The following PSD3 variants were observed in gnomAD, a reference collection of about 807,000 sequenced individuals.
PSD3 encodes pleckstrin and Sec7 domain containing 3.
PSD3 carries 49 observed loss-of-function variants against 105.5 expected under a neutral mutation model. That is an observed-to-expected ratio of 0.46 (90% CI 0.37 to 0.59). PSD3 has a LOEUF of 0.59. Ranked by LOEUF, PSD3 falls within the 20% of genes least tolerant of loss-of-function variation. The probability of loss-of-function intolerance (pLI) is 0.00; values close to 1 mark genes in which losing one functional copy is unlikely to be tolerated. For synonymous variants in PSD3, 557 were observed against 457.8 expected (o/e 1.22, Z -2.77); for missense variants, 1,561 against 1,263.8 (o/e 1.24, Z -3.57).
intron 9 of PSD3, among the ~76,000 whole-genome samples, chr8:18,687,812 G>C (rs997574002): frequency 6.6e-6 from 1 of 152,084 alleles, no homozygotes; most frequent in Non-Finnish European, 1.5e-5. Flanking sequence ...CATCGCCCAG[G>C]CTGGAGTACA....
intron 11 of PSD3, among the ~76,000 whole-genome samples, chr8:18,609,475 ATAAG>A (rs1321838292): frequency 6.6e-6 from 1 of 152,256 alleles, no homozygotes; most frequent in Non-Finnish European, 1.5e-5. Flanking sequence ...CTGTACTAAT[ATAAG>A]TGAGACATCA....
intron 14 of PSD3, among the ~76,000 whole-genome samples, chr8:18,557,796 C>T (rs940715277): frequency 2.0e-5 from 3 of 152,148 alleles, no homozygotes; most frequent in Non-Finnish European, 1.5e-5. Context: ...GTCAAAAATG[C>T]TTCAGGTAGC....
chr8:19,002,811 C>T (rs946557403), intron 1 of PSD3, among the ~76,000 whole-genome samples: 26 of 152,038 alleles, frequency 1.7e-4, no homozygotes, highest in Admixed American at 1.6e-3. Context: ...ATGCAGAACC[C>T]ATAGAAACAG....
chr8:18,891,653 A>C (rs1168890195), intron 2 of PSD3, among the ~76,000 whole-genome samples: 2 of 151,954 alleles, frequency 1.3e-5, no homozygotes, highest in African/African-American at 2.4e-5. Context: ...AGAATTACTA[A>C]ATGTGTGTTC....
At chr8:18,667,488 C>G (rs1585558279) in intron 9 of PSD3, among the ~76,000 whole-genome samples, 2 of 152,226 alleles carry the variant, frequency 1.3e-5, no homozygotes, top group Non-Finnish European at 2.9e-5. Context: ...TAGCTAGATA[C>G]AGAGTGCCCA....
rs1024824391 is a variant in PSD3 at position 19,026,730 on chromosome 8, G to C, written c.324+57476C>G. On this transcript the variant is annotated intron_variant, in intron 1 of 1. Coordinates refer to the PSD3 transcript ENST00000521475. ...AAAAAAAAAAAAAAAAAAAATGCCA[G>C]GCTGTGGCAGCACACACCTATAGTC... Among the ~76,000 whole-genome samples, 5 of 138,360 alleles carry C rather than the reference G, an allele frequency of 3.6e-5. No individual in the cohort carries two copies. In the Admixed American group the frequency reaches 3.7e-4, roughly 10 times the overall value. The allele number at this position is 138,360 out of a possible 152,430, so 90.8% of individuals were successfully genotyped here.
Position 18,572,590 on chromosome 8 carries a change from T to G in PSD3, c.2722A>C (p.Ile908Leu). ...CGGCTAAACTTCTTCTGAGAGCCGA[T>G]TGCTGCTGGAAATGGTGGTGCAGAA... Reference protein sequence around the residue: ...VFSAPPFPAAIGSQKKFSRPL... With the variant: ...VFSAPPFPAALGSQKKFSRPL... The change falls in exon 14 of 16, where the codon ATC (isoleucine) becomes CTC (leucine). Residue 908 changes from isoleucine (I) to leucine (L), a missense_variant. Transcript: ENST00000327040. 1 of 1,614,124 alleles carries G rather than the reference T, an allele frequency of 6.2e-7. No individual in the cohort carries two copies. Among genetic ancestry groups the G allele is most frequent in the Non-Finnish European group, 8.5e-7 (1 of 1,179,962 alleles).
At chr8:18,687,507 T>C (rs1246040428) in intron 9 of PSD3, among the ~76,000 whole-genome samples, 1 of 150,160 alleles carries the variant, frequency 6.7e-6, no homozygotes, top group East Asian at 1.9e-4. Context: ...TCTGAAAAAA[T>C]GAATACAATA....
chr8:19,054,579 T>C (rs1301630482), intron 1 of PSD3, among the ~76,000 whole-genome samples: 1 of 152,266 alleles, frequency 6.6e-6, no homozygotes, highest in African/African-American at 2.4e-5. Context: ...ACATCTGCCG[T>C]AATTTTTTAT....
At chr8:18,552,079 A>C (rs1800801905) in intron 15 of PSD3, among the ~76,000 whole-genome samples, 1 of 152,212 alleles carries the variant, frequency 6.6e-6, no homozygotes. Flanking sequence ...GGCCAAAGAA[A>C]ACACGTTGAC....
At chr8:19,065,447 C>T (rs564068302) in intron 1 of PSD3, among the ~76,000 whole-genome samples, 1 of 152,162 alleles carries the variant, frequency 6.6e-6, no homozygotes, top group Non-Finnish European at 1.5e-5. Flanking sequence ...ACTGCACCCC[C>T]TGACCCTCGT....
chr8:18,853,922 C>G (rs968108755), intron 4 of PSD3, among the ~76,000 whole-genome samples: 9 of 152,124 alleles, frequency 5.9e-5, no homozygotes, highest in Non-Finnish European at 1.2e-4. Flanking sequence ...CATTTGTCAT[C>G]CTTATTTAGA....
In PSD3 at chr8:18,621,339, C is replaced by G. The variant is rs1806094012; in HGVS notation, c.2410+11274G>C. On this transcript the variant is annotated intron_variant, in intron 11 of 15. Coordinates refer to ENST00000327040, the MANE Select transcript of PSD3 (RefSeq NM_015310.4). ...AGGAGAATTGCTTGAACCAGGGAGA[C>G]AGAGGTTGCAGTGAGCTGACATCGT... Among the ~76,000 whole-genome samples the G allele has an allele frequency of 3.3e-5, 5 of 152,108 alleles. No individual in the cohort carries two copies. The South Asian group carries it at 1.0e-3, about 32-fold the overall frequency.
chr8:18,870,675 A>G (rs1328987310), intron 3 of PSD3, among the ~76,000 whole-genome samples: 5 of 144,598 alleles, frequency 3.5e-5, no homozygotes, highest in African/African-American at 1.3e-4. Context: ...AACCTAAAGT[A>G]TAATTTACAA....
At chr8:18,916,976 C>A (rs921421426) in intron 2 of PSD3, among the ~76,000 whole-genome samples, 2 of 152,076 alleles carry the variant, frequency 1.3e-5, no homozygotes, top group Non-Finnish European at 2.9e-5. Context: ...CTGATACCCA[C>A]CAGCCCACTG....
chr8:18,974,034 T>G (rs1490038500), intron 1 of PSD3, among the ~76,000 whole-genome samples: 1 of 152,138 alleles, frequency 6.6e-6, no homozygotes, highest in Admixed American at 6.5e-5. Context: ...AACCATTGAG[T>G]AGCCTACAAT....
intron 11 of PSD3, among the ~76,000 whole-genome samples, chr8:18,623,800 C>A (rs1806294844): frequency 6.6e-6 from 1 of 152,122 alleles, no homozygotes; most frequent in African/African-American, 2.4e-5. Flanking sequence ...TGTTATTCTC[C>A]TTTCCAGAAG....
intron 8 of PSD3, among the ~76,000 whole-genome samples, chr8:18,773,881 G>A (rs1400388791): frequency 6.6e-6 from 1 of 152,088 alleles, no homozygotes; most frequent in African/African-American, 2.4e-5. Flanking sequence ...TCCAATACAT[G>A]ACTATAAAAG....
intron 9 of PSD3, among the ~76,000 whole-genome samples, chr8:18,707,628 AC>A (rs1295986489): frequency 1.3e-5 from 2 of 152,218 alleles, no homozygotes; most frequent in Admixed American, 1.3e-4. Flanking sequence ...AGCTCATATG[AC>A]TGATAACACT....
Sources: gnomAD v4.1 joint callset for allele counts (sites outside exome capture counted in the v4.1 genomes callset) on GRCh38, gnomAD v4.1.1 for gene constraint, MANE v1.5 for transcripts, NCBI Gene and HGNC (gene_info 2026-07-23, HGNC 2026-07-21) for gene names.